Variants in LMAN2 observed in about 807,000 individuals in gnomAD.
LMAN2 encodes the protein vesicular integral-membrane protein VIP36.
A neutral mutation model predicts 39.3 loss-of-function variants in LMAN2; 22 were observed. The observed-to-expected ratio is 0.56, with a 90% confidence interval of 0.40 to 0.80. LMAN2 has a LOEUF of 0.80. LMAN2 is among the 30% of genes least tolerant of loss of function. The pLI, the probability that LMAN2 is intolerant of heterozygous loss-of-function variation, is 0.00. For missense variants in LMAN2, 494 were observed against 505.4 expected (o/e 0.98, Z 0.22); for synonymous variants, 207 against 207.8 (o/e 1.00, Z 0.03).
At position 177,332,284 on chromosome 5, in the gene LMAN2, C is replaced by T. The variant is rs746070998; in HGVS notation, c.911-38G>A. The T allele has an allele frequency of 8.1e-6, 13 of 1,597,384 alleles. No individual in the cohort carries two copies. The highest frequency in any genetic ancestry group is 4.0e-5 in the African/African-American group (3 of 74,730). ...AAACGGGGGAGCTGAAACGGCAGCA[C>T]GGGCCGGGGATCAGGGGGCTGCAGG... is the stretch of plus-strand genomic sequence containing the variant. On this transcript the variant is annotated intron_variant, in intron 7 of 7. Transcript: ENST00000303127. The surrounding 1 kb of genome is among the most constrained non-coding windows in gnomAD (Gnocchi z 6.3).
Position 177,332,193 on chromosome 5 carries a change from G to T in LMAN2, c.964C>A (p.Arg322=). Residue 322 remains arginine (R), a synonymous_variant, in exon 8 of 8, where the codon CGG becomes AGG. Coordinates refer to ENST00000303127, the MANE Select transcript of LMAN2 (RefSeq NM_006816.3). The surrounding 1 kb of genome is among the most constrained non-coding windows in gnomAD (Gnocchi z 6.3). ...NFRSGPLTGW[R]VFLLLLCALL... Reference sequence around the variant, plus strand: ...GCGCACAGCAGCAGCAGGAACACCCGCCACCCCGTCAGGGGCCCGCTGCGG... The same window carrying T: ...GCGCACAGCAGCAGCAGGAACACCCTCCACCCCGTCAGGGGCCCGCTGCGG... 6.2e-7 allele frequency: 1 copy of T among 1,613,294 alleles called. No individual in the cohort carries two copies. Among genetic ancestry groups the T allele is most frequent in the Non-Finnish European group, 8.5e-7 (1 of 1,179,852 alleles).
chr5:177,347,899 G>A (rs1304935051), intron 2 of LMAN2, among the ~76,000 whole-genome samples: 4 of 152,096 alleles, frequency 2.6e-5, no homozygotes, highest in African/African-American at 7.2e-5. Flanking sequence ...TGGGAAGATT[G>A]CTTGAGTCCA....
chr5:177,344,839 G>A (rs1279038393), intron 2 of LMAN2, among the ~76,000 whole-genome samples: 3 of 151,278 alleles, frequency 2.0e-5, no homozygotes, highest in African/African-American at 7.3e-5. Flanking sequence ...CCGGGAGGCA[G>A]AGGTTGTGGT....
intron 7 of LMAN2, 116 bp downstream of exon 7, chr5:177,334,168 A>G: frequency 2.1e-6 from 3 of 1,456,204 alleles, no homozygotes; most frequent in Non-Finnish European, 2.7e-6. Context: ...CTGATCCAAG[A>G]GCCCAGACCA....
chr5:177,351,558 A>G lies in LMAN2; in HGVS notation c.90T>C (p.Thr30=), dbSNP rs752215344. ...ACAACAAAAGAAGAAAGAGAGGTGTAGTGGGGCCAGGGCCGGGGCCGAGAA... is the reference window on the plus strand; with the variant it reads ...ACAACAAAAGAAGAAAGAGAGGTGTGGTGGGGCCAGGGCCGGGGCCGAGAA... ...PGLLGPGPGP[T]TPLFLLLLLG... is the part of the protein sequence containing the mutation. The change falls in exon 1 of 8, where the codon ACT becomes ACC. Residue 30 remains threonine, a synonymous_variant. Coordinates refer to ENST00000303127, the MANE Select transcript of LMAN2 (RefSeq NM_006816.3). The G allele has an allele frequency of 1.2e-5, 20 of 1,614,152 alleles. No homozygotes were observed. In the African/African-American group the frequency reaches 2.1e-4, roughly 17 times the overall value.
At chr5:177,336,390 C>T (rs1190686869) in intron 6 of LMAN2, among the ~76,000 whole-genome samples, 2 of 152,176 alleles carry the variant, frequency 1.3e-5, no homozygotes, top group Non-Finnish European at 2.9e-5. Flanking sequence ...AGCAGGAGGC[C>T]TCACACGGGC....
At chr5:177,340,146 C>T (rs1761529796) in intron 2 of LMAN2, among the ~76,000 whole-genome samples, 1 of 151,948 alleles carries the variant, frequency 6.6e-6, no homozygotes, top group African/African-American at 2.4e-5. Flanking sequence ...GTCCTACAAA[C>T]CAAAGGAGAT....
Position 177,332,022 on chromosome 5 carries a change from C to T in LMAN2, c.*64G>A, listed in dbSNP as rs1761391872. On this transcript the variant is annotated 3_prime_UTR_variant, in exon 8 of 8. Coordinates refer to ENST00000303127, the MANE Select transcript of LMAN2 (RefSeq NM_006816.3). This position sits in a 1 kb window ranked among gnomAD's most constrained non-coding sequence, Gnocchi z 6.3. ...GTCATCTTGTTGTTCTTTTATAATC[C>T]CGGTAAAAAAAAAAGTTCACATTGG... 1 of 1,451,010 alleles carries T rather than the reference C, an allele frequency of 6.9e-7. No homozygotes were observed. Among genetic ancestry groups the T allele is most frequent in the African/African-American group, 1.4e-5 (1 of 70,094 alleles). 89.9% of individuals were successfully genotyped at this position (1,451,010 alleles called of 1,614,324 possible).
At chr5:177,335,583 A>G (rs1312786151) in intron 6 of LMAN2, among the ~76,000 whole-genome samples, 1 of 152,206 alleles carries the variant, frequency 6.6e-6, no homozygotes, top group Non-Finnish European at 1.5e-5. Flanking sequence ...AAACAGTGTG[A>G]TGAAGTTCCA....
At chr5:177,338,632 CAG>C in intron 2 of LMAN2, 27 bp from the exon 3 acceptor site, 1 of 1,597,776 alleles carries the variant, frequency 6.3e-7, no homozygotes, top group South Asian at 1.1e-5. Context: ...ATGGGCTGCT[CAG>C]AGCTCCCCAG....
chr5:177,339,951 C>A (rs953359554), intron 2 of LMAN2, among the ~76,000 whole-genome samples: 4 of 151,890 alleles, frequency 2.6e-5, no homozygotes, highest in Non-Finnish European at 4.4e-5. Context: ...AGGCCGAGTC[C>A]CCGAGAGCAC....
At chr5:177,343,098 T>TA (rs1242668185) in intron 2 of LMAN2, among the ~76,000 whole-genome samples, 7 of 151,764 alleles carry the variant, frequency 4.6e-5, no homozygotes, top group Middle Eastern at 3.4e-3. Flanking sequence ...CTAAAAATAT[T>TA]AAAAAAATTA....
chr5:177,344,423 G>C (rs1384269536), intron 2 of LMAN2, among the ~76,000 whole-genome samples: 1 of 150,570 alleles, frequency 6.6e-6, no homozygotes, highest in African/African-American at 2.4e-5. Flanking sequence ...TGGGATTACA[G>C]GAACACGCCA....
chr5:177,346,458 GTTGT>G (rs1465877494), intron 2 of LMAN2: 14 of 323,054 alleles, frequency 4.3e-5, no homozygotes, highest in Non-Finnish European at 6.9e-5. Flanking sequence ...ATTACCGGTT[GTTGT>G]TTTTTTTTTA....
chr5:177,332,140 C>T lies in LMAN2; in HGVS notation c.1017G>A (p.Val339=). The T allele has an allele frequency of 6.2e-7, 1 of 1,613,722 alleles. No homozygotes were observed. ...GCTTCTGGAACACCACGGCCCCCAC[C>T]ACGGCGCAGACAACGATGCCCAGGA... ...CALLGIVVCA[V]VGAVVFQKRQ... The change falls in exon 8 of 8, where the codon GTG becomes GTA. Residue 339 remains valine (V), a synonymous_variant. Coordinates refer to ENST00000303127, the MANE Select transcript of LMAN2 (RefSeq NM_006816.3). The surrounding 1 kb of genome is among the most constrained non-coding windows in gnomAD (Gnocchi z 6.3).
chr5:177,344,430 G>A (rs1159209355), intron 2 of LMAN2, among the ~76,000 whole-genome samples: 4 of 150,680 alleles, frequency 2.7e-5, no homozygotes, highest in African/African-American at 9.7e-5. Context: ...ACAGGAACAC[G>A]CCACCATGAC....
rs994294806 is a variant in LMAN2, at chr5:177,337,343, C to G, written c.675+20G>C. ...AGCACAGGGCCACCAGCTGCCACCCCCACCGCCTAGCCTGCTCACCGTCAG... is the reference window on the plus strand; with the variant it reads ...AGCACAGGGCCACCAGCTGCCACCCGCACCGCCTAGCCTGCTCACCGTCAG... On this transcript the variant is annotated intron_variant, in intron 5 of 7. Coordinates refer to ENST00000303127, the MANE Select transcript of LMAN2 (RefSeq NM_006816.3). The surrounding 1 kb of genome is among the most constrained non-coding windows in gnomAD (Gnocchi z 8.2). 1 of 1,610,322 alleles carries G rather than the reference C, an allele frequency of 6.2e-7. No homozygotes were observed. Among genetic ancestry groups the G allele is most frequent in the Admixed American group, 1.7e-5 (1 of 59,972 alleles).
At chr5:177,351,375 G>C (rs1357962175) in intron 1 of LMAN2, 77 bp downstream of exon 1, 2 of 1,605,376 alleles carry the variant, frequency 1.2e-6, no homozygotes, top group African/African-American at 2.7e-5. Context: ...CTCTGCTCAG[G>C]AGAAAGGGCA....
At position 177,337,936 on chromosome 5, in the gene LMAN2, C is replaced by G. The variant is rs1343538668; in HGVS notation, c.434-151G>C. The G allele has an allele frequency of 4.4e-6, 3 of 674,206 alleles. No individual in the cohort carries two copies. In the Admixed American group the frequency reaches 7.9e-5, roughly 18 times the overall value. The allele number at this position is 674,206 out of a possible 1,614,324, so 41.8% of individuals were successfully genotyped here. A position where few individuals can be genotyped will look rare whatever the true frequency, so the allele number is the denominator to read the frequency against. ...GAGAAGGGATCGTGAAAGGAGAAAG[C>G]TGAGGCTTTCTCCTCAGAAGTGGGG... On this transcript the variant is annotated intron_variant, in intron 3 of 7. Transcript: ENST00000303127. This position sits in a 1 kb window ranked among gnomAD's most constrained non-coding sequence, Gnocchi z 8.2.
Sources: allele counts gnomAD v4.1 joint callset (sites outside exome capture counted in the v4.1 genomes callset), GRCh38; gene constraint gnomAD v4.1.1; non-coding constraint Gnocchi (gnomAD v3.1); transcripts MANE v1.5; gene names NCBI Gene and HGNC (gene_info 2026-07-23, HGNC 2026-07-21).